Variants in LHFPL2 observed in about 807,000 individuals in gnomAD.
The protein encoded by LHFPL2 is LHFPL tetraspan subfamily member 2.
A neutral mutation model predicts 17.5 loss-of-function variants in LHFPL2; 7 were observed. The ratio of observed to expected loss-of-function variants is 0.40; its 90% CI spans 0.23 to 0.75. LHFPL2 has a LOEUF of 0.75. Among genes scored for constraint, LHFPL2 ranks in the 30% least tolerant of loss-of-function variants. The pLI is 0.37. For synonymous variants in LHFPL2, 134 were observed against 116.2 expected (o/e 1.15, Z -0.99); for missense variants, 241 against 294.8 (o/e 0.82, Z 1.34).
intron 2 of LHFPL2, among the ~76,000 whole-genome samples, chr5:78,577,802 CTT>C (rs527326951): frequency 9.8e-5 from 14 of 143,544 alleles, no homozygotes; most frequent in South Asian, 2.3e-4. Context: ...GTCCTTTGAG[CTT>C]TTTTTTTTTT....
intron 2 of LHFPL2, among the ~76,000 whole-genome samples, chr5:78,619,581 A>G (rs183010929): frequency 6.9e-6 from 1 of 145,076 alleles, no homozygotes; most frequent in African/African-American, 2.5e-5. Context: ...TACATGTGCC[A>G]TGCTGGTGTG....
chr5:78,598,450 T>C (rs1195386718), intron 2 of LHFPL2, among the ~76,000 whole-genome samples: 1 of 152,232 alleles, frequency 6.6e-6, no homozygotes, highest in Admixed American at 6.5e-5. Context: ...AAGTAAGTTC[T>C]AAAATCTTAT....
chr5:78,577,433 A>G (rs1392942583), intron 2 of LHFPL2, among the ~76,000 whole-genome samples: 1 of 152,208 alleles, frequency 6.6e-6, no homozygotes, highest in Non-Finnish European at 1.5e-5. Context: ...CTTCAGAGTC[A>G]AAGGGGGCTG....
Position 78,648,083 on chromosome 5 carries a change from G to A in LHFPL2, c.-350+416C>T, listed in dbSNP as rs928759272. On this transcript the variant is annotated intron_variant, in intron 1 of 4. Coordinates refer to ENST00000380345, the MANE Select transcript of LHFPL2 (RefSeq NM_005779.3). This position sits in a 1 kb window ranked among gnomAD's most constrained non-coding sequence, Gnocchi z 5.4. ...GGGACAGCAGGGGCGACCACGGGGC[G>A]GCCCCCAGGGAGCGGTGCCAGGCGC... 2.6e-5 allele frequency among the ~76,000 whole-genome samples: 4 copies of A among 152,104 alleles called. No individual in the cohort carries two copies. Among genetic ancestry groups the A allele is most frequent in the Non-Finnish European group, 5.9e-5 (4 of 68,002 alleles).
At chr5:78,509,096 G>T (rs1324074044) in intron 4 of LHFPL2, among the ~76,000 whole-genome samples, 2 of 152,208 alleles carry the variant, frequency 1.3e-5, no homozygotes, top group African/African-American at 4.8e-5. Context: ...AAGAGCTCAT[G>T]CTTTTACTTT....
At chr5:78,574,162 T>A (rs2112430588) in intron 2 of LHFPL2, among the ~76,000 whole-genome samples, 1 of 152,256 alleles carries the variant, frequency 6.6e-6, no homozygotes, top group East Asian at 1.9e-4. Flanking sequence ...GAGGAGGAAG[T>A]TTTGTCTTCA....
chr5:78,597,823 C>G (rs1743879281), intron 2 of LHFPL2, among the ~76,000 whole-genome samples: 1 of 152,176 alleles, frequency 6.6e-6, no homozygotes, highest in Non-Finnish European at 1.5e-5. Context: ...TTCAGTGCAT[C>G]ATATGCACTG....
intron 2 of LHFPL2, among the ~76,000 whole-genome samples, 197 bp from the exon 3 acceptor site, chr5:78,565,068 C>T (rs2112416430): frequency 6.6e-6 from 1 of 152,304 alleles, no homozygotes; most frequent in Non-Finnish European, 1.5e-5. Flanking sequence ...GTCCAAACCA[C>T]TGATGAACCA....
At chr5:78,627,698 G>T (rs1745099115) in intron 2 of LHFPL2, among the ~76,000 whole-genome samples, 1 of 152,180 alleles carries the variant, frequency 6.6e-6, no homozygotes, top group Admixed American at 6.5e-5. Flanking sequence ...GGGCATTTAT[G>T]AAGCCCTCGA....
chr5:78,634,352 C>T (rs1745355892), intron 1 of LHFPL2, among the ~76,000 whole-genome samples: 5 of 152,288 alleles, frequency 3.3e-5, no homozygotes, highest in South Asian at 2.1e-4. Context: ...GGAAGTCATG[C>T]GTGGTATGGG....
chr5:78,508,914 T>TG (rs1755017789), intron 4 of LHFPL2, among the ~76,000 whole-genome samples: 1 of 151,866 alleles, frequency 6.6e-6, no homozygotes, highest in East Asian at 1.9e-4. Context: ...CCATGTGTTT[T>TG]TGTGTGTGAA....
At chr5:78,573,456 A>T (rs377123726) in intron 2 of LHFPL2, among the ~76,000 whole-genome samples, 11 of 152,246 alleles carry the variant, frequency 7.2e-5, no homozygotes, top group African/African-American at 2.4e-4. Flanking sequence ...CAGGGAAACA[A>T]GCGTCACTAC....
intron 3 of LHFPL2, chr5:78,548,993 C>T (rs1756364148): frequency 6.6e-6 from 1 of 152,154 alleles, no homozygotes; most frequent in Non-Finnish European, 1.5e-5. Flanking sequence ...TGTTGAGTAA[C>T]AAAGTGCCTT....
At chr5:78,519,254 G>A (rs1755378680) in intron 3 of LHFPL2, among the ~76,000 whole-genome samples, 1 of 152,148 alleles carries the variant, frequency 6.6e-6, no homozygotes. Flanking sequence ...ATGTCCCTGG[G>A]GTGCTGACAG....
At chr5:78,616,416 C>T (rs1393980777) in intron 2 of LHFPL2, among the ~76,000 whole-genome samples, 7 of 152,070 alleles carry the variant, frequency 4.6e-5, no homozygotes, top group Non-Finnish European at 1.0e-4. Context: ...CATGAACCAC[C>T]GCGTCCATCC....
At chr5:78,517,839 G>T (rs1407089823) in intron 3 of LHFPL2, among the ~76,000 whole-genome samples, 1 of 152,172 alleles carries the variant, frequency 6.6e-6, no homozygotes, top group African/African-American at 2.4e-5. Flanking sequence ...CACTTGTCTG[G>T]TCCTATTTTC....
chr5:78,642,326 G>A (rs527278633), intron 1 of LHFPL2, among the ~76,000 whole-genome samples: 28 of 152,138 alleles, frequency 1.8e-4, no homozygotes, highest in Non-Finnish European at 3.4e-4. Context: ...CACGTGTATG[G>A]TATCAATTTT....
intron 3 of LHFPL2, among the ~76,000 whole-genome samples, chr5:78,563,362 T>C (rs1756778952): frequency 6.6e-6 from 1 of 152,176 alleles, no homozygotes; most frequent in South Asian, 2.1e-4. Flanking sequence ...AGAAAATTAA[T>C]TTCTCCCACC....
intron 2 of LHFPL2, among the ~76,000 whole-genome samples, chr5:78,611,344 C>T (rs1475503875): frequency 1.3e-5 from 2 of 152,214 alleles, no homozygotes; most frequent in African/African-American, 2.4e-5. Context: ...TCCACCTGGG[C>T]TTTGAACTCT....
Sources: gnomAD v4.1 joint callset for allele counts (sites outside exome capture counted in the v4.1 genomes callset) on GRCh38, gnomAD v4.1.1 for gene constraint, Gnocchi (gnomAD v3.1) non-coding constraint, MANE v1.5 for transcripts, NCBI Gene and HGNC (gene_info 2026-07-23, HGNC 2026-07-21) for gene names.